RBFOX1: variants seen among roughly 807,000 people sequenced by gnomAD.
RBFOX1 encodes the protein RNA binding protein fox-1 homolog 1.
A neutral mutation model predicts 57.7 loss-of-function variants in RBFOX1; 8 were observed. The ratio of observed to expected loss-of-function variants is 0.14; its 90% CI spans 0.08 to 0.25. The LOEUF (loss-of-function observed/expected upper bound fraction) is 0.25. Ranked by LOEUF, RBFOX1 falls within the 10% of genes least tolerant of loss-of-function variation. The probability of loss-of-function intolerance (pLI) is 1.00; values close to 1 mark genes in which losing one functional copy is unlikely to be tolerated. For synonymous variants in RBFOX1, 326 were observed against 222.4 expected (o/e 1.47, Z -4.15); for missense variants, 611 against 548.5 (o/e 1.11, Z -1.14).
intron 1 of RBFOX1, among the ~76,000 whole-genome samples, chr16:6,176,638 C>A (rs2097013008): frequency 6.6e-6 from 1 of 151,774 alleles, no homozygotes; most frequent in Non-Finnish European, 1.5e-5. Flanking sequence ...GTTGTAATAA[C>A]AATTATTGTT....
chr16:5,785,701 A>G (rs574565859), intron 3 of RBFOX1, among the ~76,000 whole-genome samples: 4 of 151,832 alleles, frequency 2.6e-5, no homozygotes, highest in Non-Finnish European at 5.9e-5. Flanking sequence ...CTAATTTTGT[A>G]TTTTTAATAG....
intron 5 of RBFOX1, among the ~76,000 whole-genome samples, chr16:7,550,660 T>C (rs2086092787): frequency 1.3e-5 from 2 of 152,136 alleles, no homozygotes; most frequent in Admixed American, 1.3e-4. Context: ...ATTTCTAGAA[T>C]AGGTACTATG....
chr16:6,033,982 G>T (rs761710346), intron 1 of RBFOX1, among the ~76,000 whole-genome samples: 1 of 152,146 alleles, frequency 6.6e-6, no homozygotes, highest in Non-Finnish European at 1.5e-5. Context: ...CCTATTGGAA[G>T]TGTCTTAGTC....
intron 3 of RBFOX1, among the ~76,000 whole-genome samples, chr16:5,609,034 A>G (rs984537286): frequency 3.3e-5 from 5 of 152,202 alleles, no homozygotes; most frequent in African/African-American, 1.2e-4. Context: ...ATAGCTTTTA[A>G]TCAAGAAAGA....
At chr16:6,046,418 C>T (rs1047876297) in intron 1 of RBFOX1, among the ~76,000 whole-genome samples, 1 of 152,184 alleles carries the variant, frequency 6.6e-6, no homozygotes, top group Non-Finnish European at 1.5e-5. Context: ...CCCAGGGCTC[C>T]ATTTTAGACA....
At chr16:7,597,533 T>C (rs1602925504) in intron 9 of RBFOX1, 102 bp downstream of exon 9, 2 of 1,062,616 alleles carry the variant, frequency 1.9e-6, no homozygotes, top group Non-Finnish European at 2.7e-6. Context: ...TGCCTGGGCA[T>C]TGACACTGTG....
At chr16:6,321,062 GGGATTACA>G (rs1463785121) in intron 2 of RBFOX1, among the ~76,000 whole-genome samples, 1 of 152,128 alleles carries the variant, frequency 6.6e-6, no homozygotes, top group East Asian at 1.9e-4. Flanking sequence ...CCAAAGCGTT[GGGATTACA>G]GGCATGAGCC....
intron 3 of RBFOX1, among the ~76,000 whole-genome samples, chr16:6,945,143 C>T (rs916285031): frequency 7.9e-5 from 12 of 152,080 alleles, no homozygotes; most frequent in African/African-American, 2.4e-4. Context: ...GGGCACAGTA[C>T]ATAGGGATGA....
intron 1 of RBFOX1, among the ~76,000 whole-genome samples, chr16:6,290,942 G>C (rs887994395): frequency 2.6e-5 from 4 of 152,146 alleles, no homozygotes. Context: ...TCCATAGAGA[G>C]AGCATCCCCA....
intron 4 of RBFOX1, among the ~76,000 whole-genome samples, chr16:7,189,151 C>T (rs978095145): frequency 1.3e-5 from 2 of 151,922 alleles, no homozygotes; most frequent in African/African-American, 4.8e-5. Context: ...CAGGGCTGGG[C>T]ACGGTGGCTC....
chr16:6,373,608 G>A (rs1302906763), intron 2 of RBFOX1, among the ~76,000 whole-genome samples: 2 of 151,940 alleles, frequency 1.3e-5, no homozygotes, highest in Middle Eastern at 3.4e-3. Flanking sequence ...TGAGAGGATG[G>A]TTGGCAAAAT....
chr16:6,933,700 A>G (rs1057322344), intron 3 of RBFOX1, among the ~76,000 whole-genome samples: 2 of 152,250 alleles, frequency 1.3e-5, no homozygotes, highest in African/African-American at 4.8e-5. Flanking sequence ...GGGGGACAGC[A>G]CGAGACTGCG....
At chr16:6,412,500 C>T (rs75260143) in intron 2 of RBFOX1, among the ~76,000 whole-genome samples, 5,757 of 152,288 alleles carry the variant, frequency 0.038, 240 homozygotes, top group African/African-American at 0.1. Context: ...AGTTATCTTT[C>T]CACTGCGTTT....
intron 2 of RBFOX1, among the ~76,000 whole-genome samples, chr16:6,343,768 C>G (rs1395547798): frequency 1.3e-5 from 2 of 152,200 alleles, no homozygotes; most frequent in African/African-American, 4.8e-5. Flanking sequence ...AATCAGTCGT[C>G]TTTCTCAGTC....
chr16:6,042,023 G>A (rs892289640), intron 1 of RBFOX1, among the ~76,000 whole-genome samples: 5 of 151,600 alleles, frequency 3.3e-5, no homozygotes, highest in African/African-American at 1.2e-4. Flanking sequence ...TTGGCTTGTG[G>A]CCCCTCCTCC....
At chr16:7,285,533 C>A (rs1470626422) in intron 4 of RBFOX1, among the ~76,000 whole-genome samples, 1 of 151,982 alleles carries the variant, frequency 6.6e-6, no homozygotes, top group Non-Finnish European at 1.5e-5. Context: ...TTTCTTTTTA[C>A]AACCACCCCC....
At chr16:6,754,230 T>C (rs2154193588) in intron 3 of RBFOX1, among the ~76,000 whole-genome samples, 1 of 152,264 alleles carries the variant, frequency 6.6e-6, no homozygotes, top group South Asian at 2.1e-4. Flanking sequence ...GGGGTTCAAA[T>C]GACAATGTTC....
At chr16:6,491,389 G>A (rs769588986) in intron 2 of RBFOX1, among the ~76,000 whole-genome samples, 31 of 152,060 alleles carry the variant, frequency 2.0e-4, no homozygotes, top group Non-Finnish European at 4.0e-4. Context: ...TAAAAAGAGT[G>A]TACCCAACAC....
intron 4 of RBFOX1, among the ~76,000 whole-genome samples, chr16:7,074,957 AG>A (rs1165751226): frequency 6.6e-6 from 1 of 152,150 alleles, no homozygotes; most frequent in Non-Finnish European, 1.5e-5. Flanking sequence ...GGGAAGAGGT[AG>A]GGGAGCTCAT....
Sources: allele counts gnomAD v4.1 joint callset (sites outside exome capture counted in the v4.1 genomes callset), GRCh38; gene constraint gnomAD v4.1.1; transcripts MANE v1.5; gene names NCBI Gene and HGNC (gene_info 2026-07-23, HGNC 2026-07-21).